The following TSHZ2 variants were observed in gnomAD, a reference collection of about 807,000 sequenced individuals.
The protein encoded by TSHZ2 is teashirt zinc finger homeobox 2.
Under a neutral mutation model 74.4 loss-of-function variants are expected in TSHZ2, and 21 were observed. The observed-to-expected ratio is 0.28, with a 90% CI of 0.20 to 0.41. The LOEUF is 0.41. Among genes scored for constraint, TSHZ2 ranks in the 10% least tolerant of loss-of-function variants. TSHZ2 has a pLI of 1.00. For missense variants in TSHZ2, 1,244 were observed against 1,293.5 expected (o/e 0.96, Z 0.59); for synonymous variants, 540 against 515.3 (o/e 1.05, Z -0.65).
intron 2 of TSHZ2, among the ~76,000 whole-genome samples, chr20:53,371,877 AAAAAAAAAAAAG>A (rs1981485175): frequency 7.0e-6 from 1 of 143,790 alleles, no homozygotes; most frequent in African/African-American, 2.9e-5. Flanking sequence ...TCCGTCTCAA[AAAAAAAAAAAAG>A]AAAAAAAAAA....
rs781732489 is a variant in TSHZ2, at chr20:53,106,841, G to T, written c.40+133508G>T. Among the ~76,000 whole-genome samples, 41 of 151,802 alleles carry T rather than the reference G, an allele frequency of 2.7e-4. 1 individual carries two copies. The highest frequency in any genetic ancestry group is 9.7e-4 in the African/African-American group (40 of 41,278). The stretch of plus-strand genomic sequence containing the variant: ...GCCTCCCAAGTAGCTGGGACTACAG[G>T]CATGCACCACCACGCCCAGCTAATT... On this transcript the variant is annotated intron_variant, in intron 1 of 2. Transcript: ENST00000371497.
chr20:53,322,984 G>C (rs1208132016), intron 2 of TSHZ2, among the ~76,000 whole-genome samples: 1 of 152,180 alleles, frequency 6.6e-6, no homozygotes, highest in Non-Finnish European at 1.5e-5. Flanking sequence ...TGTAGAAGAA[G>C]GTAACCAGCC....
At chr20:53,059,729 T>C (rs1984758888) in intron 1 of TSHZ2, among the ~76,000 whole-genome samples, 2 of 152,234 alleles carry the variant, frequency 1.3e-5, no homozygotes, top group South Asian at 4.1e-4. Flanking sequence ...TGTTTCACGT[T>C]CCTATTGACT....
chr20:53,032,291 A>G (rs1390375585), intron 1 of TSHZ2, among the ~76,000 whole-genome samples: 1 of 152,214 alleles, frequency 6.6e-6, no homozygotes, highest in Non-Finnish European at 1.5e-5. Flanking sequence ...ATGCAGGACG[A>G]TTACGTTTGA....
Position 53,349,563 on chromosome 20 carries a change from G to A in TSHZ2, c.*8+92992G>A, listed in dbSNP as rs142882767. 7.4e-3 allele frequency among the ~76,000 whole-genome samples: 1,116 copies of A among 150,346 alleles called. 16 individuals carry two copies. The highest frequency in any genetic ancestry group is 0.026 in the African/African-American group (1,078 of 40,776). On this transcript the variant is annotated intron_variant, in intron 2 of 2. Transcript: ENST00000371497. ...GCTACTCTGGAGGCTGAGGCGGGAG[G>A]ATCACTTGAGTCTGGGAGGTAGAGG...
At chr20:53,425,279 G>A (rs1034462713) in intron 2 of TSHZ2, among the ~76,000 whole-genome samples, 1 of 152,140 alleles carries the variant, frequency 6.6e-6, no homozygotes, top group East Asian at 1.9e-4. Context: ...TTCTGGTTTT[G>A]GAACCTCATT....
chr20:53,266,772 A>ATTT (rs11344692), intron 2 of TSHZ2, among the ~76,000 whole-genome samples: 13 of 98,766 alleles, frequency 1.3e-4, no homozygotes, highest in South Asian at 3.7e-4. Context: ...CCGATCGACG[A>ATTT]TTTTTTTTTT....
At chr20:53,387,693 G>A (rs138786638) in intron 2 of TSHZ2, among the ~76,000 whole-genome samples, 30 of 152,232 alleles carry the variant, frequency 2.0e-4, no homozygotes, top group South Asian at 6.2e-4. Flanking sequence ...GTTGCCTCTC[G>A]CCTGCAGTTG....
At chr20:53,397,610 G>C (rs1982500491) in intron 2 of TSHZ2, 3 of 152,140 alleles carry the variant, frequency 2.0e-5, no homozygotes, top group African/African-American at 7.2e-5. Context: ...ATTTGACCCA[G>C]CCATCCCATT....
intron 1 of TSHZ2, among the ~76,000 whole-genome samples, chr20:53,016,372 G>C (rs773728815): frequency 6.6e-6 from 1 of 152,168 alleles, no homozygotes. Context: ...GGTTCACCAT[G>C]AGCTGGTGCA....
At chr20:53,205,071 A>G (rs1989132710) in intron 1 of TSHZ2, among the ~76,000 whole-genome samples, 1 of 151,550 alleles carries the variant, frequency 6.6e-6, no homozygotes, top group Admixed American at 6.6e-5. Context: ...AGTCTGGGCA[A>G]CAGAGGGAGA....
At chr20:53,100,646 C>T (rs559814831) in intron 1 of TSHZ2, among the ~76,000 whole-genome samples, 1 of 152,260 alleles carries the variant, frequency 6.6e-6, no homozygotes, top group Non-Finnish European at 1.5e-5. Flanking sequence ...TATGATTTCA[C>T]AAAAGGGTCA....
chr20:53,237,859 C>T (rs566712704), intron 1 of TSHZ2, among the ~76,000 whole-genome samples: 5 of 152,136 alleles, frequency 3.3e-5, no homozygotes, highest in African/African-American at 9.7e-5. Context: ...AGATTATTGA[C>T]ACAATAGACT....
chr20:53,020,814 T>G (rs1244255683), intron 1 of TSHZ2, among the ~76,000 whole-genome samples: 1 of 152,210 alleles, frequency 6.6e-6, no homozygotes, highest in East Asian at 1.9e-4. Context: ...CTCTGTCTTC[T>G]ACCTGGAGAG....
intron 2 of TSHZ2, among the ~76,000 whole-genome samples, chr20:53,342,955 CTTT>C (rs1175907478): frequency 4.8e-3 from 294 of 61,130 alleles, no homozygotes; most frequent in African/African-American, 0.017. Context: ...CTTTTCTTTT[CTTT>C]TTTTTTTTTT....
At chr20:53,322,919 T>C (rs555753748) in intron 2 of TSHZ2, among the ~76,000 whole-genome samples, 7 of 152,316 alleles carry the variant, frequency 4.6e-5, no homozygotes, top group African/African-American at 1.4e-4. Flanking sequence ...ACCAGTATCT[T>C]TGGGGCTGTG....
chr20:53,024,165 T>C (rs559414332), intron 1 of TSHZ2, among the ~76,000 whole-genome samples: 2 of 152,162 alleles, frequency 1.3e-5, no homozygotes, highest in East Asian at 3.9e-4. Flanking sequence ...GGCTTGATAT[T>C]TTATTGAAAT....
chr20:53,041,627 CT>C (rs747989978), intron 1 of TSHZ2, among the ~76,000 whole-genome samples: 4 of 152,212 alleles, frequency 2.6e-5, no homozygotes, highest in Non-Finnish European at 4.4e-5. Flanking sequence ...CACGCTCACT[CT>C]TTTAGTTAAT....
chr20:53,454,597 A>AC (rs1984972841), intron 2 of TSHZ2, among the ~76,000 whole-genome samples: 1 of 151,942 alleles, frequency 6.6e-6, no homozygotes, highest in Admixed American at 6.6e-5. Context: ...ACTAATGTTA[A>AC]ATGTGTTAAT....
Sources: gnomAD v4.1 joint callset for allele counts (sites outside exome capture counted in the v4.1 genomes callset) on GRCh38, gnomAD v4.1.1 for gene constraint, MANE v1.5 for transcripts, NCBI Gene and HGNC (gene_info 2026-07-23, HGNC 2026-07-21) for gene names.